The following ZNF578 variants were observed in gnomAD, a reference collection of about 807,000 sequenced individuals.
ZNF578 encodes the protein Putative chemokine-related protein B42.
In ZNF578, 8 loss-of-function variants were observed where a neutral mutation model predicts 8.3. The ratio of observed to expected loss-of-function variants is 0.96; its 90% CI spans 0.56 to 1.74. The LOEUF (loss-of-function observed/expected upper bound fraction) is 1.74. Among genes scored for constraint, ZNF578 ranks in the 40% most tolerant of loss-of-function variants. ZNF578 has a pLI of 0.00. For missense variants in ZNF578, 726 were observed against 707.5 expected (o/e 1.03, Z -0.30); for synonymous variants, 206 against 232.2 (o/e 0.89, Z 1.03).
intron 2 of ZNF578, among the ~76,000 whole-genome samples, chr19:52,459,735 G>A (rs1397457547): frequency 8.6e-5 from 2 of 23,142 alleles, no homozygotes; most frequent in Non-Finnish European, 2.0e-4. Flanking sequence ...GTGTGTGTGT[G>A]TGTGTGTGTG....
In ZNF578 at chr19:52,515,081, A is replaced by G. The variant is rs1010098633; in HGVS notation, c.*2927A>G. Among the ~76,000 whole-genome samples the G allele has an allele frequency of 6.7e-6, 1 of 148,698 alleles. No homozygotes were observed. The highest frequency in any genetic ancestry group is 1.5e-5 in the Non-Finnish European group (1 of 67,708). On this transcript the variant is annotated 3_prime_UTR_variant, in exon 6 of 6. Transcript: ENST00000421239. The stretch of plus-strand genomic sequence containing the variant: ...GGGTTCAAGTGATTTCTCCTGCCTC[A>G]TCCTACTGAGTAGTTGGGATTACAG...
In ZNF578 at chr19:52,494,935, A is replaced by G. The variant is rs193130321; in HGVS notation, c.-20+3510A>G. ...AAGCCTCGACCTCCTAGGCTCAAGC[A>G]ATCCTCCTCCCTCAGTCTCCTGAGT... On this transcript the variant is annotated intron_variant, in intron 3 of 5. Coordinates refer to ENST00000421239, the MANE Select transcript of ZNF578 (RefSeq NM_001099694.2). 2.9e-3 allele frequency among the ~76,000 whole-genome samples: 441 copies of G among 152,208 alleles called. 1 individual carries two copies. Among genetic ancestry groups the G allele is most frequent in the African/African-American group, 0.01 (420 of 41,548 alleles).
At chr19:52,495,132 C>G (rs2059381212) in intron 3 of ZNF578, among the ~76,000 whole-genome samples, 1 of 148,510 alleles carries the variant, frequency 6.7e-6, no homozygotes, top group Non-Finnish European at 1.5e-5. Context: ...CAGGGATGAG[C>G]CACCGCGCCC....
intron 2 of ZNF578, among the ~76,000 whole-genome samples, chr19:52,477,377 C>T (rs2059311375): frequency 6.6e-6 from 1 of 151,980 alleles, no homozygotes; most frequent in Non-Finnish European, 1.5e-5. Flanking sequence ...GGTCCAGGCC[C>T]CCTTCTCATT....
At chr19:52,462,969 G>A (rs1462267818) in intron 2 of ZNF578, among the ~76,000 whole-genome samples, 2 of 152,098 alleles carry the variant, frequency 1.3e-5, no homozygotes, top group Admixed American at 1.3e-4. Context: ...CTTGTTAAAT[G>A]CTGCTCAGCT....
In ZNF578 at chr19:52,512,462, G is replaced by C. The variant is rs326434; in HGVS notation, c.*308G>C. On this transcript the variant is annotated 3_prime_UTR_variant, in exon 6 of 6. Coordinates refer to ENST00000421239, the MANE Select transcript of ZNF578 (RefSeq NM_001099694.2). ...AAATGTGGCAAATTTTTCAGACATCGTTCATACCTTGCAGTTCATCAGTGA... is the reference window on the plus strand; with the variant it reads ...AAATGTGGCAAATTTTTCAGACATCCTTCATACCTTGCAGTTCATCAGTGA... 6.9e-4 allele frequency: 904 copies of C among 1,317,224 alleles called. 4 individuals are homozygous for C. The African/African-American group carries it at 0.012, about 17-fold the overall frequency. The allele number at this position is 1,317,224 out of a possible 1,614,324, so 81.6% of individuals were successfully genotyped here.
chr19:52,462,126 T>TA (rs1471177452), intron 2 of ZNF578, among the ~76,000 whole-genome samples: 1 of 152,232 alleles, frequency 6.6e-6, no homozygotes, highest in African/African-American at 2.4e-5. Context: ...TCAATATTTC[T>TA]AAATCCTTTG....
At chr19:52,498,073 A>T (rs997916085) in intron 3 of ZNF578, among the ~76,000 whole-genome samples, 13 of 152,166 alleles carry the variant, frequency 8.5e-5, no homozygotes, top group African/African-American at 3.1e-4. Flanking sequence ...GAGTAATGAT[A>T]TGTTTGGGAT....
chr19:52,482,082 G>A (rs889563124), intron 2 of ZNF578, among the ~76,000 whole-genome samples: 2 of 152,142 alleles, frequency 1.3e-5, no homozygotes, highest in South Asian at 4.1e-4. Context: ...TGTCCAGGCT[G>A]GAGTGCAATG....
At chr19:52,476,217 C>T (rs1196281578) in intron 2 of ZNF578, among the ~76,000 whole-genome samples, 1 of 152,114 alleles carries the variant, frequency 6.6e-6, no homozygotes, top group African/African-American at 2.4e-5. Context: ...TTAATTTGTG[C>T]ATTAACAGCT....
intron 2 of ZNF578, among the ~76,000 whole-genome samples, chr19:52,468,282 ATAAATTATAT>A (rs996148854): frequency 2.0e-5 from 3 of 152,204 alleles, no homozygotes; most frequent in African/African-American, 7.2e-5. Flanking sequence ...TTAGATAATG[ATAAATTATAT>A]TATGTAAATA....
At chr19:52,481,242 C>G (rs1395687905) in intron 2 of ZNF578, among the ~76,000 whole-genome samples, 1 of 152,004 alleles carries the variant, frequency 6.6e-6, no homozygotes, top group Non-Finnish European at 1.5e-5. Context: ...ATCAATTTCA[C>G]TTCTTCTGCT....
chr19:52,453,780 C>T (rs890572066), intron 1 of ZNF578, 173 bp downstream of exon 1: 3 of 152,010 alleles, frequency 2.0e-5, no homozygotes, highest in African/African-American at 7.3e-5. Flanking sequence ...CTGGTCCTTT[C>T]CCTGAGCTCT....
chr19:52,472,786 A>G (rs143091258), intron 2 of ZNF578, among the ~76,000 whole-genome samples: 168 of 152,340 alleles, frequency 1.1e-3, no homozygotes, highest in African/African-American at 3.7e-3. Context: ...AAAGATTTCA[A>G]AGTTCAGGCT....
At chr19:52,471,157 C>A (rs879689724) in intron 2 of ZNF578, among the ~76,000 whole-genome samples, 7 of 152,160 alleles carry the variant, frequency 4.6e-5, no homozygotes, top group Admixed American at 2.6e-4. Context: ...CCGGCACACC[C>A]TGCAGAACTG....
In ZNF578 at chr19:52,501,835, T is replaced by C. The variant is rs182364838; in HGVS notation, c.-11T>C. 28 of 1,613,062 alleles carry C rather than the reference T, an allele frequency of 1.7e-5. No individual in the cohort carries two copies. Among genetic ancestry groups the C allele is most frequent in the Middle Eastern group, 3.3e-4 (2 of 6,050 alleles). ...TTTTCTTCCACATACAGGATTGATT[T>C]CTAAAGACTCATGTTACATGAGGAA... is the stretch of plus-strand genomic sequence containing the variant. On this transcript the variant is annotated 5_prime_UTR_variant, in exon 4 of 6. Coordinates refer to ENST00000421239, the MANE Select transcript of ZNF578 (RefSeq NM_001099694.2).
rs139334733 is a variant in ZNF578, at chr19:52,483,720, G to A, written c.-121-7604G>A. Among the ~76,000 whole-genome samples the A allele has an allele frequency of 7.8e-3, 1,189 of 152,298 alleles. 5 individuals carry two copies. Among genetic ancestry groups the A allele is most frequent in the Non-Finnish European group, 0.013 (890 of 68,038 alleles). On this transcript the variant is annotated intron_variant, in intron 2 of 5. Transcript: ENST00000421239. ...AGTTAACTAGGTAACTAAGGGCAAT[G>A]CATATATATAAAATTGCTCTATTGC...
rs138261891 is a variant in ZNF578 at position 52,480,862 on chromosome 19, C to T, written c.-121-10462C>T. The stretch of plus-strand genomic sequence containing the variant: ...AATGAGCCGTGATCACGCCACCGCA[C>T]CCCAGTCTGGGTGACAGAGTGAGAC... On this transcript the variant is annotated intron_variant, in intron 2 of 5. Coordinates refer to ENST00000421239, the MANE Select transcript of ZNF578 (RefSeq NM_001099694.2). 8.2e-3 allele frequency among the ~76,000 whole-genome samples: 1,227 copies of T among 150,510 alleles called. 21 individuals are homozygous for T. Among genetic ancestry groups the T allele is most frequent in the African/African-American group, 0.029 (1,172 of 41,074 alleles).
chr19:52,492,175 A>C (rs1167032401), intron 3 of ZNF578, among the ~76,000 whole-genome samples: 1 of 146,760 alleles, frequency 6.8e-6, no homozygotes, highest in African/African-American at 2.6e-5. Flanking sequence ...AAAAAAAAAA[A>C]AAAAAAAAAA....
Sources: allele counts gnomAD v4.1 joint callset (sites outside exome capture counted in the v4.1 genomes callset), GRCh38; gene constraint gnomAD v4.1.1; transcripts MANE v1.5; gene names NCBI Gene and HGNC (gene_info 2026-07-23, HGNC 2026-07-21).